Variants in RNF144B observed in about 807,000 individuals in gnomAD.
RNF144B encodes the protein ring finger protein 144B, also known as E3 ubiquitin-protein ligase RNF144B.
Under a neutral mutation model 40.2 loss-of-function variants are expected in RNF144B, and 25 were observed. That is an observed-to-expected ratio of 0.62 (90% confidence interval 0.45 to 0.87). RNF144B has a LOEUF of 0.87. Ranked by LOEUF, RNF144B falls within the 40% of genes least tolerant of loss-of-function variation. The pLI is 0.00. For missense variants in RNF144B, 365 were observed against 373.7 expected (o/e 0.98, Z 0.19); for synonymous variants, 145 against 136.3 (o/e 1.06, Z -0.44).
At chr6:18,462,549 G>C (rs1399656332) in intron 6 of RNF144B, among the ~76,000 whole-genome samples, 2 of 152,072 alleles carry the variant, frequency 1.3e-5, no homozygotes, top group African/African-American at 4.8e-5. Context: ...TCTACCCCAT[G>C]TACACCGATG....
At chr6:18,423,785 C>G (rs757275341) in intron 2 of RNF144B, among the ~76,000 whole-genome samples, 5 of 151,888 alleles carry the variant, frequency 3.3e-5, no homozygotes, top group Non-Finnish European at 4.4e-5. Flanking sequence ...TTTGCATGAC[C>G]CTTCATGGCC....
At chr6:18,436,612 C>A (rs935357372) in intron 3 of RNF144B, among the ~76,000 whole-genome samples, 2 of 152,062 alleles carry the variant, frequency 1.3e-5, no homozygotes, top group African/African-American at 4.8e-5. Flanking sequence ...TTTGGAAATT[C>A]TCGGTTGGCA....
chr6:18,409,264 G>A (rs1052929079), intron 2 of RNF144B, among the ~76,000 whole-genome samples: 2 of 149,654 alleles, frequency 1.3e-5, no homozygotes, highest in Non-Finnish European at 3.0e-5. Flanking sequence ...TGTAATCCCA[G>A]CTATTTGGGA....
rs1041546033 is a variant in RNF144B at position 18,425,668 on chromosome 6, G to C, written c.166-1913G>C. 1.1e-4 allele frequency among the ~76,000 whole-genome samples: 16 copies of C among 152,296 alleles called. No homozygotes were observed. In the East Asian group the frequency reaches 1.2e-3, roughly 11 times the overall value. On this transcript the variant is annotated intron_variant, in intron 2 of 7. Coordinates refer to ENST00000259939, the MANE Select transcript of RNF144B (RefSeq NM_182757.4). The surrounding 1 kb of genome is among the most constrained non-coding windows in gnomAD (Gnocchi z 4.2). Reference sequence around the variant, plus strand: ...GTAATTATATGGCGGTCAAGTGCAAGAGAGGAGTGACTGCAGAGGATCCCT... The same window carrying C: ...GTAATTATATGGCGGTCAAGTGCAACAGAGGAGTGACTGCAGAGGATCCCT...
At chr6:18,390,245 GTTAAT>G (rs1210651642) in intron 1 of RNF144B, among the ~76,000 whole-genome samples, 3 of 152,202 alleles carry the variant, frequency 2.0e-5, no homozygotes, top group African/African-American at 7.2e-5. Context: ...TGACACCTAA[GTTAAT>G]TTATGTAAAT....
intron 1 of RNF144B, among the ~76,000 whole-genome samples, chr6:18,392,590 G>C (rs963419084): frequency 6.6e-6 from 1 of 151,948 alleles, no homozygotes; most frequent in Non-Finnish European, 1.5e-5. Flanking sequence ...TTGAAATGAC[G>C]ATGTTAAAAC....
chr6:18,465,172 G>A lies in RNF144B; in HGVS notation c.*105G>A. ...CTCCTTCTCCTTGCCAACTTTGAAA[G>A]TGCCTCCGTGTCCAGACTTTGAACT... On this transcript the variant is annotated 3_prime_UTR_variant, in exon 8 of 8. Coordinates refer to ENST00000259939, the MANE Select transcript of RNF144B (RefSeq NM_182757.4). 8.5e-7 allele frequency: 1 copy of A among 1,181,088 alleles called. No homozygotes were observed. Among genetic ancestry groups the A allele is most frequent in the Non-Finnish European group, 1.2e-6 (1 of 832,574 alleles). The allele number at this position is 1,181,088 out of a possible 1,614,324, so 73.2% of individuals were successfully genotyped here. A position where few individuals can be genotyped will look rare whatever the true frequency, so the allele number is the denominator to read the frequency against.
rs1486147911 is a variant in RNF144B at position 18,468,205 on chromosome 6, T to C, written c.*3138T>C. ...TCACCAAATTGTAACCTGGATGTTA[T>C]AGCCCAGCATCTAGAAATCCTATGA... On this transcript the variant is annotated 3_prime_UTR_variant, in exon 8 of 8. Coordinates refer to ENST00000259939, the MANE Select transcript of RNF144B (RefSeq NM_182757.4). 6.6e-6 allele frequency: 1 copy of C among 152,242 alleles called. No homozygotes were observed. The highest frequency in any genetic ancestry group is 1.5e-5 in the Non-Finnish European group (1 of 68,040). The allele number at this position is 152,242 out of a possible 1,614,324, so 9.4% of individuals were successfully genotyped here.
At chr6:18,453,873 A>G (rs184342744) in intron 4 of RNF144B, among the ~76,000 whole-genome samples, 1 of 152,336 alleles carries the variant, frequency 6.6e-6, no homozygotes, top group East Asian at 1.9e-4. Context: ...TAGCCACATC[A>G]GCTAAGATGC....
rs1392243367 is a variant in RNF144B at position 18,412,199 on chromosome 6, C to G, written c.165+12500C>G. ...TTACTGTTCCAAACTGTTGCACCAG[C>G]TTGGCAACTCCACCAACAGAGTAGG... On this transcript the variant is annotated intron_variant, in intron 2 of 7. Transcript: ENST00000259939. The surrounding 1 kb of genome is among the most constrained non-coding windows in gnomAD (Gnocchi z 4.2). Among the ~76,000 whole-genome samples the G allele has an allele frequency of 6.6e-6, 1 of 152,202 alleles. No homozygotes were observed. The highest frequency in any genetic ancestry group is 1.5e-5 in the Non-Finnish European group (1 of 68,034).
At chr6:18,462,783 T>A (rs976430688) in intron 6 of RNF144B, among the ~76,000 whole-genome samples, 2 of 152,046 alleles carry the variant, frequency 1.3e-5, no homozygotes, top group African/African-American at 4.8e-5. Flanking sequence ...AAACTCCATC[T>A]CTATGTTGTC....
rs58124564 is a variant in RNF144B at position 18,406,457 on chromosome 6, A to AGTGTGTGTGTGTGTGT, written c.165+6787_165+6802dup. Among the ~76,000 whole-genome samples, 157 of 131,018 alleles carry AGTGTGTGTGTGTGTGT rather than the reference A, an allele frequency of 1.2e-3. No homozygotes were observed. The highest frequency in any genetic ancestry group is 4.1e-3 in the African/African-American group (141 of 34,736). 86.0% of individuals were successfully genotyped at this position (131,018 alleles called of 152,430 possible). A position where few individuals can be genotyped will look rare whatever the true frequency, so the allele number is the denominator to read the frequency against. Reference sequence around the variant, plus strand: ...CAAAGGAGGCTGGTGTGGCTGGAAAAGTGTGTGTGTGTGTGTGTGTGTGTG... The same window carrying AGTGTGTGTGTGTGTGT: ...CAAAGGAGGCTGGTGTGGCTGGAAAAGTGTGTGTGTGTGTGTGTGTGTGTGTGTGTGTGTGTGTGTG... On this transcript the variant is annotated intron_variant, in intron 2 of 7. Coordinates refer to ENST00000259939, the MANE Select transcript of RNF144B (RefSeq NM_182757.4). The surrounding 1 kb of genome is among the most constrained non-coding windows in gnomAD (Gnocchi z 4.2).
intron 2 of RNF144B, among the ~76,000 whole-genome samples, chr6:18,402,669 A>G (rs977278830): frequency 2.0e-5 from 3 of 152,220 alleles, no homozygotes; most frequent in African/African-American, 7.2e-5. Flanking sequence ...TGAGTGGAAC[A>G]TCTATTGCCC....
intron 4 of RNF144B, among the ~76,000 whole-genome samples, chr6:18,454,523 G>C (rs1421543717): frequency 2.0e-5 from 3 of 152,312 alleles, no homozygotes; most frequent in South Asian, 4.1e-4. Context: ...GAAATGTGTA[G>C]AAAGCTGTAA....
At chr6:18,415,260 A>C (rs955564613) in intron 2 of RNF144B, among the ~76,000 whole-genome samples, 21 of 152,178 alleles carry the variant, frequency 1.4e-4, no homozygotes, top group African/African-American at 4.8e-4. Flanking sequence ...TTTTGTGTTG[A>C]TATAACAAAA....
At chr6:18,408,669 G>T (rs1183793956) in intron 2 of RNF144B, among the ~76,000 whole-genome samples, 1 of 152,020 alleles carries the variant, frequency 6.6e-6, no homozygotes, top group Non-Finnish European at 1.5e-5. Context: ...CGCTGCGAAG[G>T]GCCCTTCCTA....
Position 18,457,357 on chromosome 6 carries a change from C to T in RNF144B, c.534C>T (p.His178=). The change falls in exon 5 of 8, where the codon CAC becomes CAT. Residue 178 remains histidine, a splice_region_variant and synonymous_variant. Coordinates refer to ENST00000259939, the MANE Select transcript of RNF144B (RefSeq NM_182757.4). This position sits in a 1 kb window ranked among gnomAD's most constrained non-coding sequence, Gnocchi z 5.1. ...AGCCTATTGTCCTGCCAACAGAGCA[C>T]CGGTAAGAAAGGAAACTTTGTCTTT... ...DSQPIVLPTE[H]RALFGTDAEA... 1 of 1,611,476 alleles carries T rather than the reference C, an allele frequency of 6.2e-7. No individual in the cohort carries two copies. Among genetic ancestry groups the T allele is most frequent in the Non-Finnish European group, 8.5e-7 (1 of 1,177,574 alleles).
chr6:18,392,717 C>T (rs763646808), intron 1 of RNF144B, among the ~76,000 whole-genome samples: 24 of 152,182 alleles, frequency 1.6e-4, no homozygotes, highest in Admixed American at 6.5e-4. Context: ...ATACTGCCAC[C>T]TCACAGAGCC....
At chr6:18,440,751 G>C (rs1758941235) in intron 4 of RNF144B, among the ~76,000 whole-genome samples, 1 of 151,144 alleles carries the variant, frequency 6.6e-6, no homozygotes, top group African/African-American at 2.4e-5. Flanking sequence ...ATCTAGATCT[G>C]GCTTGGTCTT....
Sources: gnomAD v4.1 joint callset for allele counts (sites outside exome capture counted in the v4.1 genomes callset) on GRCh38, gnomAD v4.1.1 for gene constraint, Gnocchi (gnomAD v3.1) non-coding constraint, MANE v1.5 for transcripts, NCBI Gene and HGNC (gene_info 2026-07-23, HGNC 2026-07-21) for gene names.